ERCC6: variants seen among roughly 807,000 people sequenced by gnomAD.
ERCC6 encodes DNA excision repair protein ERCC-6.
ERCC6 carries 116 observed loss-of-function variants against 158.7 expected under a neutral mutation model. That is an observed-to-expected ratio of 0.73 (90% CI 0.63 to 0.85). ERCC6 has a LOEUF of 0.85. ERCC6 is among the 40% of genes least tolerant of loss of function. ERCC6 has a pLI of 0.00. For synonymous variants in ERCC6, 678 were observed against 659.3 expected (o/e 1.03, Z -0.43); for missense variants, 1,698 against 1,799.4 (o/e 0.94, Z 1.02).
In ERCC6 at chr10:49,457,675, A is replaced by G. The variant is rs1850506198; in HGVS notation, c.*1140T>C. The G allele has an allele frequency of 6.6e-6, 1 of 152,246 alleles. No homozygotes were observed. 9.4% of individuals were successfully genotyped at this position (152,246 alleles called of 1,614,324 possible). Reference sequence around the variant, plus strand: ...CAAATCCAAGAAACAAACTGCACTAAGACAGCTAAGAAGAAATTTCAGGAA... The same window carrying G: ...CAAATCCAAGAAACAAACTGCACTAGGACAGCTAAGAAGAAATTTCAGGAA... On this transcript the variant is annotated 3_prime_UTR_variant, in exon 21 of 21. Transcript: ENST00000355832.
intron 5 of ERCC6, among the ~76,000 whole-genome samples, chr10:49,507,025 T>C (rs1285904851): frequency 1.3e-5 from 2 of 151,768 alleles, no homozygotes; most frequent in Non-Finnish European, 2.9e-5. Flanking sequence ...CCACTGACTA[T>C]GCAAGAGTAA....
intron 5 of ERCC6, chr10:49,516,839 A>G (rs1267964181): frequency 6.2e-7 from 1 of 1,614,078 alleles, no homozygotes; most frequent in African/African-American, 1.3e-5. Context: ...CAGTAAACGT[A>G]GATGGAACTT....
intron 18 of ERCC6, among the ~76,000 whole-genome samples, chr10:49,462,220 C>T (rs1323905074): frequency 3.9e-5 from 6 of 152,132 alleles, no homozygotes; most frequent in African/African-American, 1.2e-4. Flanking sequence ...GATTGAACTG[C>T]ATTTGGAAAT....
At chr10:49,518,219 T>G (rs1313508438) in intron 5 of ERCC6, among the ~76,000 whole-genome samples, 1 of 152,204 alleles carries the variant, frequency 6.6e-6, no homozygotes, top group African/African-American at 2.4e-5. Context: ...TTTAGAAGCA[T>G]TTCAGGATAG....
intron 18 of ERCC6, among the ~76,000 whole-genome samples, chr10:49,462,424 G>A (rs537883794): frequency 1.4e-4 from 21 of 151,892 alleles, no homozygotes; most frequent in African/African-American, 2.9e-4. Flanking sequence ...AAAACATGGC[G>A]AATTATCATA....
At chr10:49,499,389 C>T (rs1851318627) in intron 7 of ERCC6, among the ~76,000 whole-genome samples, 2 of 152,190 alleles carry the variant, frequency 1.3e-5, no homozygotes, top group African/African-American at 4.8e-5. Flanking sequence ...ACTAAAGAAA[C>T]ATGATCTTGA....
At chr10:49,437,328 C>A in the ERCC6 span, among the ~76,000 whole-genome samples, 1 of 152,142 alleles carries the variant, frequency 6.6e-6, no homozygotes, top group Non-Finnish European at 1.5e-5. Flanking sequence ...TATACAGCTA[C>A]ATGCAATAAT....
At chr10:49,487,912 T>A (rs896410602) in intron 8 of ERCC6, among the ~76,000 whole-genome samples, 1 of 152,144 alleles carries the variant, frequency 6.6e-6, no homozygotes, top group African/African-American at 2.4e-5. Flanking sequence ...GAAAATATAA[T>A]CTCCACTTAG....
At position 49,473,474 on chromosome 10, in the gene ERCC6, T is replaced by C. The variant is rs372229369; in HGVS notation, c.2709+3A>G. On this transcript the variant is annotated splice_donor_region_variant and intron_variant, in intron 14 of 20. Coordinates refer to ENST00000355832, the MANE Select transcript of ERCC6 (RefSeq NM_000124.4). ...CAACTTCCCTGTTACATTCACATGT[T>C]ACCTCATTGTATCTCGTAATCAGTG... 7.7e-6 allele frequency: 12 copies of C among 1,565,040 alleles called. No individual in the cohort carries two copies. The highest frequency in any genetic ancestry group is 8.8e-6 in the Non-Finnish European group (10 of 1,135,284).
intron 8 of ERCC6, among the ~76,000 whole-genome samples, chr10:49,484,392 C>T (rs139904905): frequency 7.6e-4 from 116 of 151,782 alleles, no homozygotes; most frequent in African/African-American, 2.6e-3. Context: ...GGCAGAGACA[C>T]TAAGAAAAAG....
At chr10:49,438,023 T>C in the ERCC6 span, among the ~76,000 whole-genome samples, 1 of 152,210 alleles carries the variant, frequency 6.6e-6, no homozygotes, top group Non-Finnish European at 1.5e-5. Flanking sequence ...GTATTGTTTT[T>C]TGTTTGTATT....
At position 49,528,520 on chromosome 10, in the gene ERCC6, T is replaced by C. The variant is rs2132631602; in HGVS notation, c.549A>G (p.Gln183=). 1.9e-6 allele frequency: 3 copies of C among 1,614,188 alleles called. No individual in the cohort carries two copies. The highest frequency in any genetic ancestry group is 1.7e-6 in the Non-Finnish European group (2 of 1,180,024). The part of the protein sequence containing the change: ...SVKRQKYNKE[Q]QLKKITAKQK... Reference sequence around the variant, plus strand: ...GTTTTGCAGTGATCTTTTTTAGCTGTTGTTCCTTGAATGGTAAATATAGAA... The same window carrying C: ...GTTTTGCAGTGATCTTTTTTAGCTGCTGTTCCTTGAATGGTAAATATAGAA... The change falls in exon 4 of 21, where the codon CAA becomes CAG. Residue 183 remains glutamine (Q), a synonymous_variant. Coordinates refer to ENST00000355832, the MANE Select transcript of ERCC6 (RefSeq NM_000124.4).
chr10:49,491,141 T>C (rs1400622178), intron 8 of ERCC6, among the ~76,000 whole-genome samples: 4 of 152,210 alleles, frequency 2.6e-5, no homozygotes, highest in Admixed American at 1.3e-4. Flanking sequence ...GAAATGTCAA[T>C]AGTAAGGCCT....
At position 49,493,291 on chromosome 10, in the gene ERCC6, A is replaced by T. The variant is rs764269466; in HGVS notation, c.1686-39T>A. ...TCCAAGAAGAAAACAACCATGAAAGAGCATATACAGTCATCAACTGCTCAA... is the reference window on the plus strand; with the variant it reads ...TCCAAGAAGAAAACAACCATGAAAGTGCATATACAGTCATCAACTGCTCAA... On this transcript the variant is annotated intron_variant, in intron 7 of 20. Transcript: ENST00000355832. 3 of 1,613,370 alleles carry T rather than the reference A, an allele frequency of 1.9e-6. No individual in the cohort carries two copies. The South Asian group carries it at 3.3e-5, about 18-fold the overall frequency.
At chr10:49,520,404 A>C (rs1327921930) in intron 5 of ERCC6, among the ~76,000 whole-genome samples, 2 of 152,196 alleles carry the variant, frequency 1.3e-5, no homozygotes, top group Non-Finnish European at 2.9e-5. Flanking sequence ...AAATAGAGTA[A>C]GAACTTGGGG....
At chr10:49,451,462 C>T (rs112337289), downstream of ERCC6, among the ~76,000 whole-genome samples, 41 of 152,170 alleles carry the variant, frequency 2.7e-4, no homozygotes, top group African/African-American at 9.4e-4. Context: ...CCTTCCGTTC[C>T]TCGTTTTTCA....
At chr10:49,524,970 C>A (rs1170351183) in intron 4 of ERCC6, 193 bp from the exon 5 acceptor site, 2 of 1,387,068 alleles carry the variant, frequency 1.4e-6, no homozygotes, top group East Asian at 2.5e-5. Context: ...TTAATATATT[C>A]CTGTTCAAAA....
At chr10:49,472,671 C>A in intron 15 of ERCC6, 1 of 735,580 alleles carries the variant, frequency 1.4e-6, no homozygotes, top group Non-Finnish European at 2.3e-6. Context: ...ATGTTTGTAA[C>A]TTTGCCTATG....
chr10:49,448,014 ATTTG>A, the ERCC6 span, among the ~76,000 whole-genome samples: 3 of 152,186 alleles, frequency 2.0e-5, no homozygotes, highest in African/African-American at 4.8e-5. Flanking sequence ...ACATACAAGT[ATTTG>A]TTTGAGCACC....
Sources: gnomAD v4.1 joint callset for allele counts (sites outside exome capture counted in the v4.1 genomes callset) on GRCh38, gnomAD v4.1.1 for gene constraint, MANE v1.5 for transcripts, NCBI Gene and HGNC (gene_info 2026-07-23, HGNC 2026-07-21) for gene names.